Variants in FNBP1L observed in about 807,000 individuals in gnomAD.
The protein encoded by FNBP1L is formin binding protein 1 like.
A neutral mutation model predicts 91.2 loss-of-function variants in FNBP1L; 36 were observed. The observed-to-expected ratio is 0.39, with a 90% CI of 0.30 to 0.52. FNBP1L has a LOEUF of 0.52. FNBP1L is among the 20% of genes least tolerant of loss of function. FNBP1L has a pLI of 0.66. For missense variants in FNBP1L, 571 were observed against 732.1 expected, an observed-to-expected ratio of 0.78 and a Z score of 2.54; for synonymous variants, 242 against 237.0, an observed-to-expected ratio of 1.02 and a Z score of -0.19.
At chr1:93,479,429 C>T (rs764179501) in intron 1 of FNBP1L, among the ~76,000 whole-genome samples, 21 of 152,144 alleles carry the variant, frequency 1.4e-4, no homozygotes, top group Non-Finnish European at 2.8e-4. Flanking sequence ...CAGAAAACAG[C>T]GTTCCAGAGC....
At chr1:93,523,322 C>T in intron 3 of FNBP1L, 22 bp from the exon 4 acceptor site, 1 of 1,583,414 alleles carries the variant, frequency 6.3e-7, no homozygotes, top group Non-Finnish European at 8.6e-7. Flanking sequence ...TAAGTCTCAC[C>T]ATTTTGAAAT....
rs573210427 is a variant in FNBP1L, at chr1:93,448,372, C to A, written c.24+67C>A. 14 of 1,443,960 alleles carry A rather than the reference C, an allele frequency of 9.7e-6. No individual in the cohort carries two copies. The East Asian group carries it at 3.9e-4, about 40-fold the overall frequency. The allele number at this position is 1,443,960 out of a possible 1,614,324, so 89.4% of individuals were successfully genotyped here. A position where few individuals can be genotyped will look rare whatever the true frequency, so the allele number is the denominator to read the frequency against. On this transcript the variant is annotated intron_variant, in intron 1 of 16. Transcript: ENST00000271234. ...TGAGAAGCGCGGGTTGGGCGGGCGC[C>A]GCGGACCCTCGGCGGTGAAAGCGCG... is the stretch of plus-strand genomic sequence containing the variant.
intron 15 of FNBP1L, among the ~76,000 whole-genome samples, chr1:93,550,677 T>C (rs555733505): frequency 6.6e-6 from 1 of 152,348 alleles, no homozygotes; most frequent in South Asian, 2.1e-4. Context: ...TGTCAAATCA[T>C]GTAATGTCAC....
chr1:93,492,229 T>C (rs529639263), intron 1 of FNBP1L, among the ~76,000 whole-genome samples: 16 of 152,126 alleles, frequency 1.1e-4, no homozygotes, highest in Non-Finnish European at 2.2e-4. Flanking sequence ...CTGAAAGAGC[T>C]TGAAAAGTGA....
chr1:93,522,926 A>G (rs1671378091), intron 3 of FNBP1L, among the ~76,000 whole-genome samples: 1 of 152,120 alleles, frequency 6.6e-6, no homozygotes, highest in Non-Finnish European at 1.5e-5. Context: ...TCCAGAGCTG[A>G]TAGCAAAATT....
intron 13 of FNBP1L, 90 bp from the exon 14 acceptor site, chr1:93,547,257 A>G: frequency 8.9e-7 from 1 of 1,129,824 alleles, no homozygotes; most frequent in Non-Finnish European, 1.3e-6. Context: ...ACATAATTAT[A>G]AAAACTTAAA....
rs371195306 is a variant in FNBP1L, at chr1:93,532,908, T to C, written c.640-14T>C. ...ATTCAGTTTTCTCTTTTTAAAAAAA[T>C]TCTTGATTATTAGCAACTACAAGAA... On this transcript the variant is annotated splice_polypyrimidine_tract_variant and intron_variant, in intron 7 of 16. Coordinates refer to ENST00000271234, the MANE Select transcript of FNBP1L (RefSeq NM_001164473.3). 2 of 1,578,498 alleles carry C rather than the reference T, an allele frequency of 1.3e-6. No individual in the cohort carries two copies. Among genetic ancestry groups the C allele is most frequent in the Non-Finnish European group, 1.7e-6 (2 of 1,160,426 alleles).
At chr1:93,534,999 T>G in intron 9 of FNBP1L, 91 bp downstream of exon 9, 1 of 986,432 alleles carries the variant, frequency 1.0e-6, no homozygotes, top group African/African-American at 1.6e-5. Flanking sequence ...TTACCATTAA[T>G]GGAGAATAAA....
intron 1 of FNBP1L, among the ~76,000 whole-genome samples, chr1:93,492,665 A>G (rs1032326391): frequency 4.6e-5 from 7 of 152,072 alleles, no homozygotes; most frequent in African/African-American, 1.4e-4. Context: ...CGGAGCAACA[A>G]AGCAAGACCC....
chr1:93,483,887 A>G, intron 1 of FNBP1L, among the ~76,000 whole-genome samples: 1 of 152,194 alleles, frequency 6.6e-6, no homozygotes, highest in East Asian at 1.9e-4. Context: ...TTAAGTCAAG[A>G]CATCTGCATC....
At chr1:93,529,896 C>A in intron 6 of FNBP1L, 140 bp downstream of exon 6, 1 of 565,532 alleles carries the variant, frequency 1.8e-6, no homozygotes, top group Non-Finnish European at 3.1e-6. Context: ...CAAATATTTG[C>A]CAACTTTAAA....
intron 1 of FNBP1L, among the ~76,000 whole-genome samples, chr1:93,485,925 C>T (rs556204066): frequency 2.0e-5 from 3 of 152,310 alleles, no homozygotes; most frequent in South Asian, 4.1e-4. Context: ...GTCTCGAACT[C>T]CTGACCTTGT....
rs1312075132 is a variant in FNBP1L, at chr1:93,541,686, AATTATTGTATAGG to A, written c.1164+632_1164+644del. Among the ~76,000 whole-genome samples the A allele has an allele frequency of 3.3e-5, 5 of 152,238 alleles. No individual in the cohort carries two copies. In the East Asian group the frequency reaches 9.6e-4, roughly 29 times the overall value. ...GATCTACATTAGGAACTAACCCCAA[AATTATTGTATAGG>A]AAGCTACTGGAAAATAGACCACTCT... is the stretch of plus-strand genomic sequence containing the variant. On this transcript the variant is annotated intron_variant, in intron 11 of 16. Coordinates refer to ENST00000271234, the MANE Select transcript of FNBP1L (RefSeq NM_001164473.3).
chr1:93,516,466 T>C (rs1462288371), intron 2 of FNBP1L, among the ~76,000 whole-genome samples: 1 of 152,198 alleles, frequency 6.6e-6, no homozygotes, highest in Non-Finnish European at 1.5e-5. Context: ...TAATTGTCCA[T>C]CATCTGCTTT....
chr1:93,523,539 A>T, intron 4 of FNBP1L, 48 bp downstream of exon 4: 1 of 1,479,650 alleles, frequency 6.8e-7, no homozygotes, highest in Non-Finnish European at 9.1e-7. Context: ...TGAAATAGTC[A>T]CACAGAAACA....
chr1:93,481,196 A>G (rs1367265572), intron 1 of FNBP1L, among the ~76,000 whole-genome samples: 4 of 152,070 alleles, frequency 2.6e-5, no homozygotes, highest in Non-Finnish European at 5.9e-5. Flanking sequence ...AAACTTCTTA[A>G]TTTCTATATA....
intron 1 of FNBP1L, among the ~76,000 whole-genome samples, chr1:93,458,360 G>A (rs1247134404): frequency 6.6e-6 from 1 of 151,920 alleles, no homozygotes; most frequent in African/African-American, 2.4e-5. Flanking sequence ...GAACTTCTAG[G>A]CCCAAGTGAT....
chr1:93,449,584 CT>C (rs1668414957), intron 1 of FNBP1L, among the ~76,000 whole-genome samples: 1 of 152,158 alleles, frequency 6.6e-6, no homozygotes, highest in African/African-American at 2.4e-5. Context: ...TAGAGTCCAT[CT>C]AGTGAATGCT....
chr1:93,515,923 TAA>T (rs1170312373), intron 2 of FNBP1L, among the ~76,000 whole-genome samples: 2 of 151,512 alleles, frequency 1.3e-5, no homozygotes, highest in Non-Finnish European at 2.9e-5. Context: ...ATAATAATAA[TAA>T]AAAGAGATTT....
Sources: gnomAD v4.1 joint callset for allele counts (sites outside exome capture counted in the v4.1 genomes callset) on GRCh38, gnomAD v4.1.1 for gene constraint, MANE v1.5 for transcripts, NCBI Gene and HGNC (gene_info 2026-07-23, HGNC 2026-07-21) for gene names.